NEK11: variants seen among roughly 807,000 people sequenced by gnomAD.
The protein encoded by NEK11 is serine/threonine-protein kinase Nek11.
NEK11 carries 72 observed loss-of-function variants against 80.7 expected under a neutral mutation model. The observed-to-expected ratio is 0.89, with a 90% CI of 0.74 to 1.08. The LOEUF (loss-of-function observed/expected upper bound fraction) is 1.08. Ranked by LOEUF, NEK11 falls within the 50% of genes least tolerant of loss-of-function variation. The pLI, the probability that NEK11 is intolerant of heterozygous loss-of-function variation, is 0.00. For synonymous variants in NEK11, 251 were observed against 260.7 expected, an observed-to-expected ratio of 0.96 and a Z score of 0.36; for missense variants, 764 against 763.6, an observed-to-expected ratio of 1.00 and a Z score of -0.01.
intron 7 of NEK11, among the ~76,000 whole-genome samples, chr3:131,145,179 TA>T (rs2087882155): frequency 6.6e-6 from 1 of 152,028 alleles, no homozygotes; most frequent in South Asian, 2.1e-4. Flanking sequence ...AATATATTTT[TA>T]TTTTTTGTAG....
chr3:131,256,104 A>G (rs2095810960), intron 16 of NEK11, among the ~76,000 whole-genome samples: 1 of 152,190 alleles, frequency 6.6e-6, no homozygotes, highest in Admixed American at 6.5e-5. Flanking sequence ...GTATAAAGTT[A>G]AAATTAGATA....
chr3:131,146,544 T>G (rs1232453451), intron 7 of NEK11, among the ~76,000 whole-genome samples: 3 of 152,180 alleles, frequency 2.0e-5, no homozygotes, highest in Non-Finnish European at 1.5e-5. Flanking sequence ...TAGATTCTTC[T>G]GTGGGGAAAT....
At chr3:131,335,536 C>G (rs928920610) in intron 17 of NEK11, among the ~76,000 whole-genome samples, 1 of 152,192 alleles carries the variant, frequency 6.6e-6, no homozygotes, top group African/African-American at 2.4e-5. Context: ...AAACTGGAAG[C>G]ATTCCCTTTG....
chr3:131,175,786 A>T (rs1481787314), intron 14 of NEK11, among the ~76,000 whole-genome samples: 1 of 152,212 alleles, frequency 6.6e-6, no homozygotes, highest in Non-Finnish European at 1.5e-5. Flanking sequence ...TTGATAAATT[A>T]AAAAAATATT....
At chr3:131,137,189 A>G (rs773353156) in intron 7 of NEK11, among the ~76,000 whole-genome samples, 5 of 152,120 alleles carry the variant, frequency 3.3e-5, no homozygotes, top group African/African-American at 4.8e-5. Context: ...CATGCCCAAC[A>G]TTGGACTCAG....
intron 3 of NEK11, among the ~76,000 whole-genome samples, chr3:131,062,972 A>G (rs2071177121): frequency 6.6e-6 from 1 of 152,262 alleles, no homozygotes; most frequent in African/African-American, 2.4e-5. Context: ...GATGAAGATA[A>G]TCTCTCAACA....
At chr3:131,028,634 T>C (rs1019972511) in intron 2 of NEK11, among the ~76,000 whole-genome samples, 5 of 151,922 alleles carry the variant, frequency 3.3e-5, no homozygotes, top group African/African-American at 7.3e-5. Flanking sequence ...TGGCGAGATC[T>C]CACTGCAAGC....
intron 16 of NEK11, among the ~76,000 whole-genome samples, chr3:131,268,951 C>T (rs372944757): frequency 7.9e-5 from 12 of 152,232 alleles, no homozygotes; most frequent in East Asian, 5.8e-4. Flanking sequence ...GCCTTTTTTT[C>T]GGTGATGCCC....
rs138203416 is a variant in NEK11, at chr3:131,213,853, C to A, written c.1400-14675C>A. Among the ~76,000 whole-genome samples the A allele has an allele frequency of 3.4e-3, 515 of 152,264 alleles. 2 individuals carry two copies. Among genetic ancestry groups the A allele is most frequent in the African/African-American group, 0.011 (473 of 41,538 alleles). On this transcript the variant is annotated intron_variant, in intron 14 of 17. Coordinates refer to ENST00000383366, the MANE Select transcript of NEK11 (RefSeq NM_024800.5). ...TCCCCCCAGATTCATCATATTGAAACCCTAATCCCCAGTGGGATGATATTT... is the reference window on the plus strand; with the variant it reads ...TCCCCCCAGATTCATCATATTGAAAACCTAATCCCCAGTGGGATGATATTT...
chr3:131,051,450 A>G (rs1034615591), intron 3 of NEK11, among the ~76,000 whole-genome samples: 3 of 152,214 alleles, frequency 2.0e-5, no homozygotes, highest in African/African-American at 4.8e-5. Flanking sequence ...AAAAATCCCA[A>G]ACTGTCAAAC....
chr3:131,046,196 G>C (rs1372105919), intron 3 of NEK11, among the ~76,000 whole-genome samples: 3 of 151,758 alleles, frequency 2.0e-5, no homozygotes, highest in Non-Finnish European at 2.9e-5. Context: ...TTGTTTTATC[G>C]GTCCTGTGAG....
At chr3:131,345,142 T>A (rs2097343217) in intron 17 of NEK11, among the ~76,000 whole-genome samples, 1 of 152,208 alleles carries the variant, frequency 6.6e-6, no homozygotes, top group East Asian at 1.9e-4. Flanking sequence ...TTTTCTATGT[T>A]TTTTATTCCC....
At chr3:131,109,696 TG>T in intron 4 of NEK11, 106 bp from the exon 5 acceptor site, 1 of 1,114,676 alleles carries the variant, frequency 9.0e-7, no homozygotes, top group Non-Finnish European at 1.3e-6. Context: ...AATTACAGAA[TG>T]GCACTTTCTT....
chr3:131,046,264 T>C (rs1202134235), intron 3 of NEK11, among the ~76,000 whole-genome samples: 2 of 152,220 alleles, frequency 1.3e-5, no homozygotes, highest in African/African-American at 2.4e-5. Flanking sequence ...TTTCAAGATA[T>C]AGAACTCCTT....
rs1351543403 is a variant in NEK11, at chr3:131,057,711, C to G, written c.171-22712C>G. Among the ~76,000 whole-genome samples the G allele has an allele frequency of 1.4e-4, 22 of 151,798 alleles. 1 individual carries two copies. Among genetic ancestry groups the G allele is most frequent in the Non-Finnish European group, 2.8e-4 (19 of 67,904 alleles). On this transcript the variant is annotated intron_variant, in intron 3 of 17. Coordinates refer to ENST00000383366, the MANE Select transcript of NEK11 (RefSeq NM_024800.5). The stretch of plus-strand genomic sequence containing the variant: ...CTTTTGAGAAGTGTCTGTTCATATC[C>G]TTTGCCCACTTTTTGATGGGGTTGT...
intron 7 of NEK11, among the ~76,000 whole-genome samples, chr3:131,152,178 G>A (rs1160138535): frequency 6.6e-6 from 1 of 150,912 alleles, no homozygotes; most frequent in African/African-American, 2.4e-5. Flanking sequence ...ACTTACTTTT[G>A]TGCTTTATTC....
intron 17 of NEK11, among the ~76,000 whole-genome samples, chr3:131,287,213 C>G (rs2096483896): frequency 6.6e-6 from 1 of 152,164 alleles, no homozygotes. Flanking sequence ...AAGGGTGTAT[C>G]ATGGGAATGG....
chr3:131,313,885 A>G (rs2096806752), intron 17 of NEK11, among the ~76,000 whole-genome samples: 2 of 152,196 alleles, frequency 1.3e-5, no homozygotes, highest in East Asian at 1.9e-4. Context: ...CGTTTTCCTA[A>G]CAATAAATGA....
chr3:131,103,467 A>G (rs1179341101), intron 4 of NEK11, among the ~76,000 whole-genome samples: 1 of 152,136 alleles, frequency 6.6e-6, no homozygotes, highest in Non-Finnish European at 1.5e-5. Flanking sequence ...TTGGGCTGCA[A>G]TCCAGTAGAT....
Sources: allele counts gnomAD v4.1 joint callset (sites outside exome capture counted in the v4.1 genomes callset), GRCh38; gene constraint gnomAD v4.1.1; transcripts MANE v1.5; gene names NCBI Gene and HGNC (gene_info 2026-07-23, HGNC 2026-07-21).